Variants in AHSG observed in about 807,000 individuals in gnomAD.
AHSG encodes alpha 2-HS glycoprotein.
AHSG carries 23 observed loss-of-function variants against 30.1 expected under a neutral mutation model. The ratio of observed to expected loss-of-function variants is 0.76; its 90% CI spans 0.55 to 1.08. The LOEUF (loss-of-function observed/expected upper bound fraction) is 1.08. AHSG is among the 50% of genes least tolerant of loss of function. The probability of loss-of-function intolerance (pLI) is 0.00; values close to 1 mark genes in which losing one functional copy is unlikely to be tolerated. For missense variants in AHSG, 469 were observed against 459.5 expected, an observed-to-expected ratio of 1.02 and a Z score of -0.19; for synonymous variants, 164 against 186.3, an observed-to-expected ratio of 0.88 and a Z score of 0.98.
At chr3:186,616,912 A>C (rs1271919993) in intron 3 of AHSG, among the ~76,000 whole-genome samples, 1 of 152,192 alleles carries the variant, frequency 6.6e-6, no homozygotes, top group South Asian at 2.1e-4. Context: ...CAGTGGGCCG[A>C]GATCGCACCA....
At position 186,621,018 on chromosome 3, in the gene AHSG, T is replaced by C; in HGVS notation, c.*88T>C. ...CTGGGCATGGGTGGGGGGCCTTGTC[T>C]GCTGGCCACGCAAGTGTCACATGCG... On this transcript the variant is annotated 3_prime_UTR_variant, in exon 7 of 7. Coordinates refer to ENST00000411641, the MANE Select transcript of AHSG (RefSeq NM_001622.4). 7.6e-7 allele frequency: 1 copy of C among 1,307,728 alleles called. No homozygotes were observed. The highest frequency in any genetic ancestry group is 1.1e-6 in the Non-Finnish European group (1 of 943,862). 81.0% of individuals were successfully genotyped at this position (1,307,728 alleles called of 1,614,324 possible). A position where few individuals can be genotyped will look rare whatever the true frequency, so the allele number is the denominator to read the frequency against.
chr3:186,620,636 A>C lies in AHSG; in HGVS notation c.810A>C (p.Thr270=), dbSNP rs1071592. 0.75 allele frequency: 1,215,467 copies of C among 1,612,888 alleles called. 460,325 individuals are homozygous for C. The highest frequency in any genetic ancestry group is 0.91 in the Middle Eastern group (5,540 of 6,056). Residue 270 remains threonine (T), a synonymous_variant, in exon 7 of 7, where the codon ACA becomes ACC. Transcript: ENST00000411641. ...QPEGANEAVP[T]PVVDPDAPPS... is the part of the protein sequence containing the mutation. ...AAGGTGCCAATGAAGCAGTCCCCAC[A>C]CCCGTGGTGGACCCAGATGCACCTC...
rs1716336864 is a variant in AHSG at position 186,617,285 on chromosome 3, G to A, written c.508G>A (p.Ala170Thr). The A allele has an allele frequency of 1.2e-6, 2 of 1,614,174 alleles. No individual in the cohort carries two copies. Among genetic ancestry groups the A allele is most frequent in the East Asian group, 2.2e-5 (1 of 44,880 alleles). Residue 170 changes from alanine to threonine, a missense_variant, in exon 4 of 7, where the codon GCC becomes ACC. Coordinates refer to ENST00000411641, the MANE Select transcript of AHSG (RefSeq NM_001622.4). Reference sequence around the variant, plus strand: ...GCACGCCGCGAAAGCTGCCCTGGCCGCCTTCAACGCTCAGAACAACGGCTC... The same window carrying A: ...GCACGCCGCGAAAGCTGCCCTGGCCACCTTCAACGCTCAGAACAACGGCTC... ...VVHAAKAALA[A>T]FNAQNNGSNF...
At chr3:186,619,976 A>G in intron 6 of AHSG, 36 bp downstream of exon 6, 2 of 1,516,998 alleles carry the variant, frequency 1.3e-6, no homozygotes, top group Non-Finnish European at 1.8e-6. Flanking sequence ...CTACACCTTC[A>G]GAATACAATG....
At position 186,620,901 on chromosome 3, in the gene AHSG, C is replaced by T. The variant is rs374704176; in HGVS notation, c.1075C>T (p.Pro359Ser). Reference protein sequence around the residue: ...AAAGPVVPPCPGRIRHFKV With the variant: ...AAAGPVVPPCSGRIRHFKV The stretch of plus-strand genomic sequence containing the variant: ...TGCTGGGCCAGTGGTTCCTCCATGT[C>T]CGGGGAGGATCAGACACTTCAAGGT... The change falls in exon 7 of 7, where the codon CCG becomes TCG. Residue 359 changes from proline (P) to serine (S), a missense_variant. Coordinates refer to ENST00000411641, the MANE Select transcript of AHSG (RefSeq NM_001622.4). 7.0e-5 allele frequency: 113 copies of T among 1,613,732 alleles called. No individual in the cohort carries two copies. Among genetic ancestry groups the T allele is most frequent in the Non-Finnish European group, 8.5e-6 (10 of 1,179,856 alleles).
In AHSG at chr3:186,618,624, T is replaced by C. The variant is rs200885597; in HGVS notation, c.662T>C (p.Leu221Pro). 1.2e-6 allele frequency: 2 copies of C among 1,614,066 alleles called. No homozygotes were observed. Among genetic ancestry groups the C allele is most frequent in the Admixed American group, 3.3e-5 (2 of 60,024 alleles). Residue 221 changes from leucine (L) to proline (P), a missense_variant, in exon 5 of 7, where the codon CTG becomes CCG. Transcript: ENST00000411641. ...KEATEAAKCNLLAEKQYGFCK... is the reference protein window; with the variant it reads ...KEATEAAKCNPLAEKQYGFCK... Reference sequence around the variant, plus strand: ...GCCACAGAGGCAGCCAAGTGTAACCTGCTGGCAGAAAAGGTGAGTGGGCCG... The same window carrying C: ...GCCACAGAGGCAGCCAAGTGTAACCCGCTGGCAGAAAAGGTGAGTGGGCCG...
intron 6 of AHSG, 46 bp downstream of exon 6, chr3:186,619,986 G>A (rs1366335254): frequency 6.9e-7 from 1 of 1,459,316 alleles, no homozygotes; most frequent in Non-Finnish European, 9.5e-7. Flanking sequence ...AGAATACAAT[G>A]ACCCCTTCAC....
intron 4 of AHSG, chr3:186,617,709 A>G (rs933014977): frequency 5.4e-6 from 2 of 373,494 alleles, no homozygotes; most frequent in African/African-American, 4.2e-5. Flanking sequence ...GCTGGGCTCC[A>G]GTACCACCCA....
At chr3:186,613,500 G>A (rs937928438) in intron 1 of AHSG, 146 bp downstream of exon 1, 3 of 790,650 alleles carry the variant, frequency 3.8e-6, no homozygotes, top group Non-Finnish European at 6.0e-6. Flanking sequence ...GAAGGGGCAG[G>A]CAGAGGGCAG....
intron 4 of AHSG, 78 bp downstream of exon 4, chr3:186,617,428 G>A (rs1326914663): frequency 6.2e-7 from 1 of 1,611,794 alleles, no homozygotes; most frequent in Non-Finnish European, 8.5e-7. Context: ...TGGAGCGGGA[G>A]GCAGGGAAGA....
intron 1 of AHSG, among the ~76,000 whole-genome samples, chr3:186,614,443 A>C (rs2108499510): frequency 6.6e-6 from 1 of 152,344 alleles, no homozygotes; most frequent in South Asian, 2.1e-4. Flanking sequence ...TAAGGTCAAC[A>C]ACAGGAAGCC....
intron 1 of AHSG, among the ~76,000 whole-genome samples, chr3:186,615,102 GA>G (rs988645295): frequency 1.1e-4 from 16 of 151,624 alleles, no homozygotes; most frequent in African/African-American, 3.9e-4. Flanking sequence ...CAAGACAAAG[GA>G]AAAACCAAGG....
rs1420998178 is a variant in AHSG at position 186,617,244 on chromosome 3, A to C, written c.467A>C (p.Asn156Thr). 3 of 1,614,036 alleles carry C rather than the reference A, an allele frequency of 1.9e-6. No individual in the cohort carries two copies. The change falls in exon 4 of 7, where the codon AAC becomes ACC. Residue 156 changes from asparagine (N) to threonine (T), a missense_variant. Coordinates refer to ENST00000411641, the MANE Select transcript of AHSG (RefSeq NM_001622.4). ...GACTGCCCCCTGCTGGCCCCGCTGA[A>C]CGACACCAGGGTGGTGCACGCCGCG... ...CQDCPLLAPL[N>T]DTRVVHAAKA...
chr3:186,618,207 G>A (rs941486076), intron 4 of AHSG, among the ~76,000 whole-genome samples: 3 of 152,178 alleles, frequency 2.0e-5, no homozygotes, highest in Non-Finnish European at 2.9e-5. Context: ...AGGGCTGGGG[G>A]GAGGCAGGGT....
Position 186,620,854 on chromosome 3 carries a change from T to C in AHSG, c.1028T>C (p.Val343Ala), listed in dbSNP as rs745775581. 1 of 1,614,154 alleles carries C rather than the reference T, an allele frequency of 6.2e-7. No homozygotes were observed. Among genetic ancestry groups the C allele is most frequent in the South Asian group, 1.1e-5 (1 of 91,082 alleles). Residue 343 changes from valine (V) to alanine (A), a missense_variant, in exon 7 of 7, where the codon GTG becomes GCG. Coordinates refer to ENST00000411641, the MANE Select transcript of AHSG (RefSeq NM_001622.4). ...VSHPRKTRTV[V>A]QPSVGAAAGP... ...CACCCCCGGAAAACACGCACAGTGG[T>C]GCAGCCTAGTGTTGGTGCTGCTGCT...
chr3:186,615,427 G>T (rs534983024), intron 1 of AHSG, among the ~76,000 whole-genome samples: 2 of 152,160 alleles, frequency 1.3e-5, no homozygotes, highest in African/African-American at 4.8e-5. Context: ...ACTTGTTCAA[G>T]CCCAGGACCC....
chr3:186,617,099 G>A, intron 3 of AHSG, 88 bp from the exon 4 acceptor site: 3 of 1,523,878 alleles, frequency 2.0e-6, no homozygotes, highest in Non-Finnish European at 1.8e-6. Context: ...GCTATCTGGG[G>A]AATGCCTTAG....
Position 186,613,368 on chromosome 3 carries a change from C to A in AHSG, c.213+14C>A. ...GTGTGGCCTCAGGTAAGTGGACCTG[C>A]TGTCTATGAGCTGAAATAATGTGTA... On this transcript the variant is annotated intron_variant, in intron 1 of 6. Coordinates refer to ENST00000411641, the MANE Select transcript of AHSG (RefSeq NM_001622.4). 6.3e-7 allele frequency: 1 copy of A among 1,599,604 alleles called. No homozygotes were observed. Among genetic ancestry groups the A allele is most frequent in the African/African-American group, 1.3e-5 (1 of 74,762 alleles).
chr3:186,614,477 C>T (rs1184768066), intron 1 of AHSG, among the ~76,000 whole-genome samples: 2 of 152,172 alleles, frequency 1.3e-5, no homozygotes, highest in East Asian at 1.9e-4. Flanking sequence ...GACTGCCATC[C>T]GTCTCACAAA....
Sources: gnomAD v4.1 joint callset for allele counts (sites outside exome capture counted in the v4.1 genomes callset) on GRCh38, gnomAD v4.1.1 for gene constraint, MANE v1.5 for transcripts, NCBI Gene and HGNC (gene_info 2026-07-23, HGNC 2026-07-21) for gene names.